The following STX2 variants were observed in gnomAD, a reference collection of about 807,000 sequenced individuals.
The protein encoded by STX2 is syntaxin 2, also known as syntaxin-2.
STX2 carries 27 observed loss-of-function variants against 40.6 expected under a neutral mutation model. That is an observed-to-expected ratio of 0.66 (90% CI 0.49 to 0.92). STX2 has a LOEUF of 0.92. Ranked by LOEUF, STX2 falls within the 40% of genes least tolerant of loss-of-function variation. The pLI is 0.00. For synonymous variants in STX2, 123 were observed against 119.1 expected (o/e 1.03, Z -0.22); for missense variants, 328 against 366.1 (o/e 0.90, Z 0.85).
intron 1 of STX2, among the ~76,000 whole-genome samples, chr12:130,838,830 C>A (rs912395755): frequency 1.8e-4 from 27 of 151,964 alleles, no homozygotes; most frequent in Non-Finnish European, 3.2e-4. Context: ...CCCAGGAAGC[C>A]CTGGGGACCC....
At chr12:130,796,514 A>G (rs117308120) in intron 9 of STX2, among the ~76,000 whole-genome samples, 11 of 152,116 alleles carry the variant, frequency 7.2e-5, no homozygotes, top group African/African-American at 2.4e-4. Flanking sequence ...AAAGCAAAAC[A>G]ACCCATCAGA....
At chr12:130,838,924 C>G in intron 1 of STX2, 146 bp downstream of exon 1, 2 of 887,946 alleles carry the variant, frequency 2.3e-6, no homozygotes, top group Non-Finnish European at 2.9e-6. Context: ...TCCCTGAGAC[C>G]CTGCCCGCAG....
chr12:130,804,991 G>C (rs563222161), intron 6 of STX2, among the ~76,000 whole-genome samples: 37 of 152,270 alleles, frequency 2.4e-4, no homozygotes, highest in Middle Eastern at 6.8e-3. Flanking sequence ...GGACCTGCAG[G>C]AGAGATGGTG....
In STX2 at chr12:130,790,530, T is replaced by G. The variant is rs1269747876; in HGVS notation, c.*1493A>C. 1.3e-5 allele frequency: 2 copies of G among 152,142 alleles called. No individual in the cohort carries two copies. 9.4% of individuals were successfully genotyped at this position (152,142 alleles called of 1,614,324 possible). ...CTAAAAATAAGTGATATTCTTCTAC[T>G]AAAAAAATGAGCAATAAAAAGGTTT... On this transcript the variant is annotated 3_prime_UTR_variant, in exon 11 of 11. Transcript: ENST00000392373.
intron 6 of STX2, among the ~76,000 whole-genome samples, chr12:130,805,161 CT>C (rs1951383003): frequency 6.6e-6 from 1 of 152,180 alleles, no homozygotes; most frequent in Non-Finnish European, 1.5e-5. Context: ...TTTGTAAAAA[CT>C]TTTTCATAGA....
chr12:130,795,216 G>C (rs898192266), intron 10 of STX2, among the ~76,000 whole-genome samples: 2 of 152,106 alleles, frequency 1.3e-5, no homozygotes, highest in African/African-American at 4.8e-5. Flanking sequence ...CCTATAGAAA[G>C]GTCGAAGGAT....
At position 130,828,196 on chromosome 12, in the gene STX2, C is replaced by T. The variant is rs73457313; in HGVS notation, c.31-929G>A. 4.4e-3 allele frequency among the ~76,000 whole-genome samples: 672 copies of T among 152,208 alleles called. 10 individuals are homozygous for T. The highest frequency in any genetic ancestry group is 0.016 in the African/African-American group (649 of 41,548). ...TTAATATATAAACCAATAAAGGCTT[C>T]TATTAATAAAATTATTTCTAGTCCC... On this transcript the variant is annotated intron_variant, in intron 1 of 10. Transcript: ENST00000392373.
intron 3 of STX2, among the ~76,000 whole-genome samples, chr12:130,816,695 AAAAG>A (rs1951872047): frequency 6.6e-6 from 1 of 152,208 alleles, no homozygotes; most frequent in African/African-American, 2.4e-5. Context: ...AATAATTAAA[AAAAG>A]AAATAAAAAC....
chr12:130,823,864 T>C (rs1478928884), intron 2 of STX2, among the ~76,000 whole-genome samples: 1 of 152,274 alleles, frequency 6.6e-6, no homozygotes, highest in Non-Finnish European at 1.5e-5. Context: ...TTTGTAAATC[T>C]AATGTCCAGC....
intron 2 of STX2, among the ~76,000 whole-genome samples, chr12:130,823,714 T>C (rs1048582342): frequency 3.3e-5 from 5 of 152,174 alleles, no homozygotes; most frequent in Non-Finnish European, 4.4e-5. Context: ...GTGATAAACG[T>C]GTTGTTGAAG....
In STX2 at chr12:130,790,552, G is replaced by A. The variant is rs956622515; in HGVS notation, c.*1471C>T. 2 of 152,124 alleles carry A rather than the reference G, an allele frequency of 1.3e-5. No homozygotes were observed. Among genetic ancestry groups the A allele is most frequent in the African/African-American group, 4.8e-5 (2 of 41,416 alleles). The allele number at this position is 152,124 out of a possible 1,614,324, so 9.4% of individuals were successfully genotyped here. ...TACTAAAAAAATGAGCAATAAAAAG[G>A]TTTAATTATCATGAATCCCTATACA... On this transcript the variant is annotated 3_prime_UTR_variant, in exon 11 of 11. Transcript: ENST00000392373.
At chr12:130,825,524 G>A (rs1044231032) in intron 2 of STX2, among the ~76,000 whole-genome samples, 4 of 152,204 alleles carry the variant, frequency 2.6e-5, no homozygotes, top group Non-Finnish European at 4.4e-5. Flanking sequence ...TCATTTCCAA[G>A]AAGTGAAATC....
At chr12:130,818,898 A>G (rs1952004026) in intron 3 of STX2, among the ~76,000 whole-genome samples, 2 of 152,114 alleles carry the variant, frequency 1.3e-5, no homozygotes, top group African/African-American at 4.8e-5. Flanking sequence ...CCAAACCAGA[A>G]TCACACACAC....
intron 6 of STX2, 96 bp downstream of exon 6, chr12:130,806,886 G>A: frequency 1.7e-6 from 2 of 1,157,760 alleles, no homozygotes. Context: ...GGTGAAAATA[G>A]ACATGGATTT....
intron 3 of STX2, among the ~76,000 whole-genome samples, chr12:130,816,118 A>C (rs1249271977): frequency 6.6e-6 from 1 of 152,130 alleles, no homozygotes; most frequent in Non-Finnish European, 1.5e-5. Context: ...ATGAGGGCTG[A>C]GTGTAGGAGT....
intron 2 of STX2, among the ~76,000 whole-genome samples, chr12:130,825,768 C>T (rs146552266): frequency 6.1e-4 from 93 of 152,228 alleles, no homozygotes; most frequent in African/African-American, 2.0e-3. Context: ...ACTGCTAGGC[C>T]AGATGAGGCT....
chr12:130,798,643 C>A lies in STX2; in HGVS notation c.676-8G>T. The A allele has an allele frequency of 6.4e-7, 1 of 1,572,502 alleles. No individual in the cohort carries two copies. Among genetic ancestry groups the A allele is most frequent in the Non-Finnish European group, 8.6e-7 (1 of 1,164,466 alleles). The stretch of plus-strand genomic sequence containing the variant: ...GTTGTTGATCATTTCACCCTTAAAA[C>A]AAAAAGTTTCAAACTTAGAAGACAT... On this transcript the variant is annotated splice_polypyrimidine_tract_variant and splice_region_variant and intron_variant, in intron 8 of 10. Transcript: ENST00000392373.
intron 2 of STX2, among the ~76,000 whole-genome samples, chr12:130,825,643 C>T (rs1453923416): frequency 1.3e-5 from 2 of 152,168 alleles, no homozygotes; most frequent in Non-Finnish European, 2.9e-5. Flanking sequence ...CTAACAAATA[C>T]TAGAAAACCA....
At chr12:130,832,424 C>A (rs1232598590) in intron 1 of STX2, among the ~76,000 whole-genome samples, 1 of 151,970 alleles carries the variant, frequency 6.6e-6, no homozygotes, top group Non-Finnish European at 1.5e-5. Context: ...CATACACACA[C>A]ATGCAGAGAG....
Sources: allele counts gnomAD v4.1 joint callset (sites outside exome capture counted in the v4.1 genomes callset), GRCh38; gene constraint gnomAD v4.1.1; transcripts MANE v1.5; gene names NCBI Gene and HGNC (gene_info 2026-07-23, HGNC 2026-07-21).